The following PUM2 variants were observed in gnomAD, a reference collection of about 807,000 sequenced individuals.
PUM2 encodes the protein pumilio RNA binding family member 2, also known as pumilio homolog 2.
Under a neutral mutation model 124.5 loss-of-function variants are expected in PUM2, and 57 were observed. The observed-to-expected ratio is 0.46, with a 90% CI of 0.37 to 0.57. The LOEUF (loss-of-function observed/expected upper bound fraction) is 0.57, where lower values mean the gene tolerates loss of function less well. Among genes scored for constraint, PUM2 ranks in the 20% least tolerant of loss-of-function variants. The pLI is 0.00. For missense variants in PUM2, 1,065 were observed against 1,290.6 expected (o/e 0.83, Z 2.68); for synonymous variants, 460 against 446.1 (o/e 1.03, Z -0.39).
In PUM2 at chr2:20,336,681, TTGTGTGTG is replaced by T. The variant is rs113658730; in HGVS notation, c.-18-9311_-18-9304del. 4.6e-3 allele frequency among the ~76,000 whole-genome samples: 610 copies of T among 131,574 alleles called. 6 individuals are homozygous for T. The highest frequency in any genetic ancestry group is 0.014 in the African/African-American group (493 of 34,322). 86.3% of individuals were successfully genotyped at this position (131,574 alleles called of 152,430 possible). A position where few individuals can be genotyped will look rare whatever the true frequency, so the allele number is the denominator to read the frequency against. On this transcript the variant is annotated intron_variant, in intron 1 of 20. Coordinates refer to ENST00000361078, the MANE Select transcript of PUM2 (RefSeq NM_015317.5). ...ACAGGTGCCACCAGGCCTGGCTAAT[TTGTGTGTG>T]TGTGTGTGTGTGTGTGTGTGTGTTA...
chr2:20,304,114 C>G (rs1423986996), intron 7 of PUM2, among the ~76,000 whole-genome samples: 1 of 152,192 alleles, frequency 6.6e-6, no homozygotes, highest in Non-Finnish European at 1.5e-5. Flanking sequence ...AATCTCCAAA[C>G]CAGGTCTTTT....
chr2:20,304,034 G>A (rs1294467058), intron 7 of PUM2, among the ~76,000 whole-genome samples: 3 of 152,172 alleles, frequency 2.0e-5, no homozygotes, highest in Non-Finnish European at 4.4e-5. Context: ...TTACATGAGA[G>A]TTTCTCTTGC....
chr2:20,261,414 A>AAAAAAAAAAAAAAAAAAAAAAAC (rs1666223004), intron 14 of PUM2, among the ~76,000 whole-genome samples: 1 of 146,884 alleles, frequency 6.8e-6, no homozygotes, highest in African/African-American at 2.6e-5. Flanking sequence ...AAAAAAAAAA[A>AAAAAAAAAAAAAAAAAAAAAAAC]AAAAAAAAGT....
Position 20,294,400 on chromosome 2 carries a change from T to C in PUM2, c.1128A>G (p.Ser376=). ...ANNTASQQAA[S]QAQPGQQQVL... ...CCTGTTGCTGTCCAGGCTGAGCTTG[T>C]GATGCTGCTTGCTGACTGGCTGTGT... Residue 376 remains serine, a synonymous_variant, in exon 9 of 21, where the codon TCA becomes TCG. Transcript: ENST00000361078. The C allele has an allele frequency of 6.2e-7, 1 of 1,614,124 alleles. No individual in the cohort carries two copies. Among genetic ancestry groups the C allele is most frequent in the Non-Finnish European group, 8.5e-7 (1 of 1,180,028 alleles).
At chr2:20,303,229 C>CTTCTACTGCATCAGGCAGTGAGTGG (rs1677415127) in intron 7 of PUM2, among the ~76,000 whole-genome samples, 1 of 152,108 alleles carries the variant, frequency 6.6e-6, no homozygotes, top group Admixed American at 6.6e-5. Context: ...GCAGTGAGTG[C>CTTCTACTGCATCAGGCAGTGAGTGG]TTCTGCTCGG....
At chr2:20,261,576 G>T (rs930170027) in intron 14 of PUM2, among the ~76,000 whole-genome samples, 12 of 151,092 alleles carry the variant, frequency 7.9e-5, no homozygotes, top group African/African-American at 2.7e-4. Context: ...ATTTCAGAAG[G>T]TATTCCAGAA....
Position 20,255,226 on chromosome 2 carries a change from T to C in PUM2, c.2738A>G (p.Gln913Arg). The change falls in exon 18 of 21, where the codon CAG (glutamine) becomes CGG (arginine). Residue 913 changes from glutamine to arginine, a missense_variant. Gln to Arg is a conservative substitution (Grantham distance 43, BLOSUM62 1). Coordinates refer to ENST00000361078, the MANE Select transcript of PUM2 (RefSeq NM_015317.5). The stretch of plus-strand genomic sequence containing the variant: ...TTAGGGAATTTATACCTGTACCAAC[T>C]GCTCTGTATGTTGGTGGAGTTCTTC... ...ILEELHQHTE[Q>R]LVQDQYGNYV... 1 of 1,598,998 alleles carries C rather than the reference T, an allele frequency of 6.3e-7. No individual in the cohort carries two copies. Among genetic ancestry groups the C allele is most frequent in the East Asian group, 2.2e-5 (1 of 44,782 alleles).
intron 7 of PUM2, among the ~76,000 whole-genome samples, chr2:20,301,299 A>T (rs1013433853): frequency 7.2e-5 from 11 of 152,184 alleles, no homozygotes; most frequent in Admixed American, 2.0e-4. Flanking sequence ...TATCTTTATC[A>T]CAAAAGTAGA....
chr2:20,333,426 C>T (rs890509063), intron 1 of PUM2, among the ~76,000 whole-genome samples: 15 of 151,602 alleles, frequency 9.9e-5, no homozygotes, highest in African/African-American at 3.2e-4. Context: ...CTCAGCTACC[C>T]GAGAGGCTGA....
At chr2:20,339,799 G>T (rs1485142132) in intron 1 of PUM2, among the ~76,000 whole-genome samples, 1 of 152,180 alleles carries the variant, frequency 6.6e-6, no homozygotes, top group Non-Finnish European at 1.5e-5. Context: ...AGAATCACTT[G>T]AACCTGAAAG....
intron 13 of PUM2, among the ~76,000 whole-genome samples, chr2:20,264,700 T>C (rs1212150492): frequency 2.0e-5 from 3 of 152,074 alleles, no homozygotes; most frequent in African/African-American, 7.2e-5. Flanking sequence ...CATGCTATTA[T>C]TATATGCAAA....
At chr2:20,268,935 T>TC (rs1016912722) in intron 13 of PUM2, among the ~76,000 whole-genome samples, 1 of 152,170 alleles carries the variant, frequency 6.6e-6, no homozygotes, top group Non-Finnish European at 1.5e-5. Flanking sequence ...GAGAATGCTA[T>TC]CCTCTTAATA....
intron 1 of PUM2, among the ~76,000 whole-genome samples, chr2:20,335,679 A>G (rs1388916925): frequency 6.6e-6 from 1 of 152,250 alleles, no homozygotes; most frequent in Non-Finnish European, 1.5e-5. Flanking sequence ...AAAGAATAGT[A>G]TTACTGACTC....
Position 20,312,410 on chromosome 2 carries a change from G to A in PUM2, c.174C>T (p.Ser58=), listed in dbSNP as rs200422174. Residue 58 remains serine (S), a synonymous_variant, in exon 4 of 21, where the codon TCC becomes TCT. Coordinates refer to ENST00000361078, the MANE Select transcript of PUM2 (RefSeq NM_015317.5). The part of the protein sequence containing the change: ...TAWGASHHSM[S]QPIMVQRRSG... ...ATCTTCTCTGTACCATAATAGGCTG[G>A]GACATTGAATGGTCTGTTTGGAAGA... 2.2e-5 allele frequency: 36 copies of A among 1,612,872 alleles called. No individual in the cohort carries two copies. The East Asian group carries it at 7.4e-4, about 33-fold the overall frequency.
At chr2:20,286,951 G>C (rs1327613538) in intron 10 of PUM2, among the ~76,000 whole-genome samples, 4 of 151,280 alleles carry the variant, frequency 2.6e-5, no homozygotes, top group Non-Finnish European at 2.9e-5. Flanking sequence ...TACTGAGAAA[G>C]TCTGTGACTG....
At chr2:20,326,231 C>T in intron 2 of PUM2, 2 of 1,287,478 alleles carry the variant, frequency 1.6e-6, no homozygotes, top group Non-Finnish European at 2.0e-6. Flanking sequence ...TTTATTTTGG[C>T]AATACTTAAG....
At chr2:20,326,410 G>A in intron 2 of PUM2, 2 of 1,304,168 alleles carry the variant, frequency 1.5e-6, no homozygotes, top group Non-Finnish European at 2.0e-6. Flanking sequence ...ATTGGATGGA[G>A]TGAGTCTCAT....
At chr2:20,350,321 C>T in intron 1 of PUM2, 3 of 346,162 alleles carry the variant, frequency 8.7e-6, no homozygotes, top group Non-Finnish European at 1.2e-5. Context: ...ACCGGGTCGG[C>T]GCCCCACGCC....
chr2:20,325,531 G>GA (rs1399239423), intron 2 of PUM2, among the ~76,000 whole-genome samples: 3 of 151,252 alleles, frequency 2.0e-5, no homozygotes, highest in African/African-American at 7.3e-5. Flanking sequence ...TAGAAAGAGT[G>GA]AAAAAACACC....
Sources: gnomAD v4.1 joint callset for allele counts (sites outside exome capture counted in the v4.1 genomes callset) on GRCh38, gnomAD v4.1.1 for gene constraint, MANE v1.5 for transcripts, NCBI Gene and HGNC (gene_info 2026-07-23, HGNC 2026-07-21) for gene names.